NME5: variants seen among roughly 807,000 people sequenced by gnomAD.
The protein encoded by NME5 is NME/NM23 family member 5.
A neutral mutation model predicts 21.6 loss-of-function variants in NME5; 18 were observed. The observed-to-expected ratio is 0.83, with a 90% CI of 0.58 to 1.24. The LOEUF is 1.24. Ranked by LOEUF, NME5 falls within the 50% of genes most tolerant of loss-of-function variation. NME5 has a pLI of 0.00. For synonymous variants in NME5, 70 were observed against 80.6 expected (o/e 0.87, Z 0.71); for missense variants, 223 against 255.4 (o/e 0.87, Z 0.86).
intron 2 of NME5, among the ~76,000 whole-genome samples, chr5:138,130,430 T>C (rs1751534331): frequency 6.6e-6 from 1 of 151,972 alleles, no homozygotes; most frequent in Non-Finnish European, 1.5e-5. Flanking sequence ...CAGTAAAAAG[T>C]TTTTCATTTG....
chr5:138,135,526 G>A (rs948930540), intron 2 of NME5, among the ~76,000 whole-genome samples: 2 of 151,556 alleles, frequency 1.3e-5, no homozygotes, highest in African/African-American at 2.4e-5. Context: ...GTAGAGACGG[G>A]GTTTCACCAT....
chr5:138,133,224 C>T lies in NME5; in HGVS notation c.130-3756G>A, dbSNP rs989998406. 1.2e-4 allele frequency among the ~76,000 whole-genome samples: 18 copies of T among 151,920 alleles called. 2 individuals are homozygous for T. Among genetic ancestry groups the T allele is most frequent in the Admixed American group, 9.8e-4 (15 of 15,258 alleles). On this transcript the variant is annotated intron_variant, in intron 2 of 5. Transcript: ENST00000265191. ...CACGCCATTCTCCTGCTTCAGCCTCCGGAGTAGCTGAGACTACAGGAGCCT... is the reference window on the plus strand; with the variant it reads ...CACGCCATTCTCCTGCTTCAGCCTCTGGAGTAGCTGAGACTACAGGAGCCT...
intron 5 of NME5, 27 bp from the exon 6 acceptor site, chr5:138,115,791 G>A (rs778342436): frequency 4.8e-6 from 7 of 1,461,964 alleles, no homozygotes; most frequent in Non-Finnish European, 2.8e-6. Flanking sequence ...AACAACCTAA[G>A]TTAAGAAACA....
chr5:138,117,230 A>C (rs1751181384), intron 5 of NME5, among the ~76,000 whole-genome samples: 1 of 150,962 alleles, frequency 6.6e-6, no homozygotes, highest in Non-Finnish European at 1.5e-5. Context: ...AAAAAAAGGA[A>C]AGAAAAAAAA....
intron 2 of NME5, among the ~76,000 whole-genome samples, chr5:138,137,270 G>A (rs1231746835): frequency 1.3e-5 from 2 of 151,994 alleles, no homozygotes; most frequent in Admixed American, 1.3e-4. Context: ...GTCCTTTGAA[G>A]CTCAACTGAA....
chr5:138,138,595 AT>A (rs879058228), intron 2 of NME5, 56 bp downstream of exon 2: 20,100 of 1,091,650 alleles, frequency 0.018, no homozygotes, highest in Admixed American at 0.025. Context: ...TTACATAAGC[AT>A]TTTTTTTTTA....
In NME5 at chr5:138,139,411, G is replaced by A; in HGVS notation, c.-46C>T. On this transcript the variant is annotated 5_prime_UTR_variant, in exon 1 of 6. Coordinates refer to ENST00000265191, the MANE Select transcript of NME5 (RefSeq NM_003551.3). Reference sequence around the variant, plus strand: ...CATATGGTACAACTTGTTGCTAGGAGACCTGAAGCCCCAGCGTGGGGACGG... The same window carrying A: ...CATATGGTACAACTTGTTGCTAGGAAACCTGAAGCCCCAGCGTGGGGACGG... The A allele has an allele frequency of 1.0e-6, 1 of 985,582 alleles. No individual in the cohort carries two copies. Among genetic ancestry groups the A allele is most frequent in the African/African-American group, 1.7e-5 (1 of 57,338 alleles). 61.1% of individuals were successfully genotyped at this position (985,582 alleles called of 1,614,324 possible).
chr5:138,131,322 AG>A (rs1751563080), intron 2 of NME5, among the ~76,000 whole-genome samples: 1 of 151,662 alleles, frequency 6.6e-6, no homozygotes, highest in Admixed American at 6.6e-5. Flanking sequence ...CAGAGGTTGC[AG>A]TGAGCCAAGA....
chr5:138,138,894 T>C (rs1751792802), intron 1 of NME5, 109 bp from the exon 2 acceptor site: 2 of 984,730 alleles, frequency 2.0e-6, no homozygotes, highest in Admixed American at 4.8e-5. Context: ...AGAATAGCAA[T>C]AGTAGGTACT....
At chr5:138,125,922 TTTTTTCAA>T (rs1270749781) in intron 4 of NME5, among the ~76,000 whole-genome samples, 2 of 152,194 alleles carry the variant, frequency 1.3e-5, no homozygotes, top group Non-Finnish European at 2.9e-5. Flanking sequence ...CCAGCATTAC[TTTTTTCAA>T]GGGTTAAGAA....
intron 4 of NME5, among the ~76,000 whole-genome samples, chr5:138,122,160 C>T (rs1225725383): frequency 5.9e-5 from 9 of 151,822 alleles, no homozygotes; most frequent in East Asian, 1.9e-4. Flanking sequence ...TAAATATGGC[C>T]GGGCGTGGTG....
intron 4 of NME5, among the ~76,000 whole-genome samples, chr5:138,120,688 TC>T (rs1320397138): frequency 6.6e-6 from 1 of 152,254 alleles, no homozygotes; most frequent in East Asian, 1.9e-4. Context: ...TTTCTTGTTT[TC>T]TTTTAGATGT....
chr5:138,125,321 G>C (rs1303287876), intron 4 of NME5, among the ~76,000 whole-genome samples: 1 of 152,116 alleles, frequency 6.6e-6, no homozygotes, highest in African/African-American at 2.4e-5. Flanking sequence ...TAAATTTGTT[G>C]AAGAAATGGA....
rs1231210950 is a variant in NME5, at chr5:138,115,448, A to T, written c.*233T>A. On this transcript the variant is annotated 3_prime_UTR_variant, in exon 6 of 6. Coordinates refer to ENST00000265191, the MANE Select transcript of NME5 (RefSeq NM_003551.3). ...ACAAAAACATCTAGCAACATCTTAC[A>T]TGAGTTTTCCATTACCTAGTGTTAC... 2 of 325,126 alleles carry T rather than the reference A, an allele frequency of 6.2e-6. No individual in the cohort carries two copies. The highest frequency in any genetic ancestry group is 4.5e-5 in the Admixed American group (1 of 22,166). The allele number at this position is 325,126 out of a possible 1,614,324, so 20.1% of individuals were successfully genotyped here.
chr5:138,118,481 A>G (rs985040900), intron 5 of NME5, among the ~76,000 whole-genome samples: 1 of 150,380 alleles, frequency 6.6e-6, no homozygotes, highest in Admixed American at 6.7e-5. Context: ...CAGACAATTT[A>G]TAGAAAAAAA....
At chr5:138,122,773 G>A (rs1372045711) in intron 4 of NME5, among the ~76,000 whole-genome samples, 2 of 151,402 alleles carry the variant, frequency 1.3e-5, no homozygotes, top group African/African-American at 4.9e-5. Context: ...TGCCTCCTGG[G>A]TTCAAGCAAT....
At chr5:138,131,104 C>T (rs1331559547) in intron 2 of NME5, among the ~76,000 whole-genome samples, 2 of 148,976 alleles carry the variant, frequency 1.3e-5, no homozygotes, top group Non-Finnish European at 3.0e-5. Flanking sequence ...CAGTGACTCA[C>T]GCCTGTAATC....
intron 1 of NME5, 141 bp from the exon 2 acceptor site, chr5:138,138,926 G>T: frequency 1.3e-6 from 1 of 753,944 alleles, no homozygotes; most frequent in South Asian, 1.9e-5. Context: ...ACTGATGAAG[G>T]TAGAAACTGC....
At chr5:138,119,861 C>A (rs922898297) in intron 4 of NME5, among the ~76,000 whole-genome samples, 3 of 151,852 alleles carry the variant, frequency 2.0e-5, no homozygotes, top group Non-Finnish European at 1.5e-5. Flanking sequence ...ATTCTAGTTA[C>A]AAGTTCTTTA....
Sources: gnomAD v4.1 joint callset for allele counts (sites outside exome capture counted in the v4.1 genomes callset) on GRCh38, gnomAD v4.1.1 for gene constraint, MANE v1.5 for transcripts, NCBI Gene and HGNC (gene_info 2026-07-23, HGNC 2026-07-21) for gene names.